TTC21B: variants seen among roughly 807,000 people sequenced by gnomAD.
TTC21B encodes tetratricopeptide repeat protein 21B.
In TTC21B, 127 loss-of-function variants were observed where a neutral mutation model predicts 175.1. That is an observed-to-expected ratio of 0.73 (90% CI 0.63 to 0.84). The LOEUF (loss-of-function observed/expected upper bound fraction) is 0.84, where lower values mean the gene tolerates loss of function less well. Ranked by LOEUF, TTC21B falls within the 40% of genes least tolerant of loss-of-function variation. The pLI, the probability that TTC21B is intolerant of heterozygous loss-of-function variation, is 0.00. For missense variants in TTC21B, 1,561 were observed against 1,558.3 expected, an observed-to-expected ratio of 1.00 and a Z score of -0.03; for synonymous variants, 524 against 524.5, an observed-to-expected ratio of 1.00 and a Z score of 0.01.
chr2:165,893,539 T>C (rs1685266336), intron 22 of TTC21B, among the ~76,000 whole-genome samples: 1 of 152,294 alleles, frequency 6.6e-6, no homozygotes, highest in Admixed American at 6.5e-5. Context: ...GAAGGCAAAT[T>C]TCTGCACTTA....
chr2:165,907,765 G>A lies in TTC21B; in HGVS notation c.2481C>T (p.Leu827=). The change falls in exon 19 of 29, where the codon CTC becomes CTT. Residue 827 remains leucine (L), a synonymous_variant. Coordinates refer to ENST00000243344, the MANE Select transcript of TTC21B (RefSeq NM_024753.5). ...GAACTTGACAACGTCCATCCTCCATGAGAGCTGACAGTTCATTTACTATGA... is the reference window on the plus strand; with the variant it reads ...GAACTTGACAACGTCCATCCTCCATAAGAGCTGACAGTTCATTTACTATGA... ...AHEPVNELSA[L]MEDGRCQVLL... is the part of the protein sequence containing the mutation. The A allele has an allele frequency of 6.2e-7, 1 of 1,611,720 alleles. No individual in the cohort carries two copies. The highest frequency in any genetic ancestry group is 8.5e-7 in the Non-Finnish European group (1 of 1,178,418).
At chr2:165,881,544 C>G (rs982875784) in intron 26 of TTC21B, among the ~76,000 whole-genome samples, 1 of 151,974 alleles carries the variant, frequency 6.6e-6, no homozygotes, top group Non-Finnish European at 1.5e-5. Context: ...ATATTTATCC[C>G]CGAGTTTCTC....
intron 6 of TTC21B, among the ~76,000 whole-genome samples, chr2:165,940,237 T>A (rs919684): frequency 0.15 from 22,732 of 152,164 alleles, 1,959 homozygotes; most frequent in East Asian, 0.27. Context: ...TGGCAACAGC[T>A]TTCAAAAGGT....
intron 19 of TTC21B, among the ~76,000 whole-genome samples, chr2:165,903,684 T>C (rs556396814): frequency 1.2e-3 from 176 of 152,302 alleles, no homozygotes; most frequent in African/African-American, 4.0e-3. Context: ...GAAAGCAAAA[T>C]TCCTAAGACT....
intron 27 of TTC21B, 50 bp from the exon 28 acceptor site, chr2:165,876,282 T>C (rs1684662897): frequency 8.7e-7 from 1 of 1,147,612 alleles, no homozygotes; most frequent in African/African-American, 1.5e-5. Context: ...ACTGCTACTA[T>C]TACTTTTCCT....
intron 25 of TTC21B, among the ~76,000 whole-genome samples, chr2:165,885,548 C>T (rs753131075): frequency 6.6e-6 from 1 of 152,166 alleles, no homozygotes; most frequent in African/African-American, 2.4e-5. Flanking sequence ...CCTCTCCCCA[C>T]CTCAGCCCAC....
At chr2:165,877,556 C>G (rs969556675) in intron 27 of TTC21B, among the ~76,000 whole-genome samples, 1 of 152,112 alleles carries the variant, frequency 6.6e-6, no homozygotes, top group Non-Finnish European at 1.5e-5. Flanking sequence ...CCAGATAGCC[C>G]AGGTGTGTAG....
intron 22 of TTC21B, among the ~76,000 whole-genome samples, chr2:165,896,931 T>G (rs1685386706): frequency 6.6e-6 from 1 of 152,198 alleles, no homozygotes; most frequent in Non-Finnish European, 1.5e-5. Context: ...GATTTGCTGG[T>G]TGGGAAGCCC....
At chr2:165,895,736 A>G (rs1488301538) in intron 22 of TTC21B, among the ~76,000 whole-genome samples, 1 of 152,160 alleles carries the variant, frequency 6.6e-6, no homozygotes, top group East Asian at 1.9e-4. Flanking sequence ...TTTTGGACCC[A>G]GAGTGAGTGG....
intron 28 of TTC21B, among the ~76,000 whole-genome samples, chr2:165,875,808 CTTT>C (rs1424121085): frequency 6.8e-6 from 1 of 147,660 alleles, no homozygotes; most frequent in African/African-American, 2.4e-5. Context: ...TCCCACTGGT[CTTT>C]GTCTTTTTTT....
At position 165,945,547 on chromosome 2, in the gene TTC21B, T is replaced by C; in HGVS notation, c.406A>G (p.Lys136Glu). ...ACCTGTTTACTACCATCTGATATTT[T>C]GATCATTCTGTCAATATATTCCCTT... ...KAREYIDRMI[K>E]ISDGSKQGHV... The change falls in exon 4 of 29, where the codon AAA becomes GAA. Residue 136 changes from lysine (K) to glutamate (E), a missense_variant. Lys to Glu is a moderately conservative substitution (Grantham distance 56). Transcript: ENST00000243344. 6.2e-7 allele frequency: 1 copy of C among 1,613,626 alleles called. No individual in the cohort carries two copies. The highest frequency in any genetic ancestry group is 1.1e-5 in the South Asian group (1 of 91,068).
At chr2:165,884,156 G>A (rs750892738) in intron 25 of TTC21B, 138 bp from the exon 26 acceptor site, 22 of 757,810 alleles carry the variant, frequency 2.9e-5, no homozygotes, top group Non-Finnish European at 4.3e-5. Context: ...TGTGATTACA[G>A]GTCATTATTT....
rs373168659 is a variant in TTC21B at position 165,949,674 on chromosome 2, C to T, written c.72G>A (p.Leu24=). The T allele has an allele frequency of 6.2e-7, 1 of 1,612,676 alleles. No individual in the cohort carries two copies. Among genetic ancestry groups the T allele is most frequent in the African/African-American group, 1.3e-5 (1 of 74,852 alleles). Residue 24 remains leucine, a synonymous_variant, in exon 2 of 29, where the codon CTG becomes CTA. Transcript: ENST00000243344. ...ACCTCTTAATTCCTTCACTGGCAAC[C>T]AGTAATACATGATGGAAATATCTCT... ...CQERYFHHVL[L]VASEGIKRYG...
At chr2:165,945,260 G>T (rs1687508458) in intron 4 of TTC21B, among the ~76,000 whole-genome samples, 1 of 151,640 alleles carries the variant, frequency 6.6e-6, no homozygotes, top group South Asian at 2.1e-4. Context: ...AAAAGGTAGA[G>T]AAAAAGAAAG....
chr2:165,877,770 CAT>C (rs914570027), intron 27 of TTC21B, among the ~76,000 whole-genome samples: 8 of 152,124 alleles, frequency 5.3e-5, no homozygotes, highest in African/African-American at 1.9e-4. Context: ...CACACACACA[CAT>C]GCACACAGGC....
chr2:165,930,455 G>T, intron 8 of TTC21B, 91 bp from the exon 9 acceptor site: 1 of 1,002,440 alleles, frequency 1.0e-6, no homozygotes, highest in Non-Finnish European at 1.4e-6. Context: ...TATATTATTT[G>T]TACTTCAAAG....
At position 165,920,502 on chromosome 2, in the gene TTC21B, A is replaced by G. The variant is rs78506016; in HGVS notation, c.1517-1069T>C. Among the ~76,000 whole-genome samples, 24 of 152,282 alleles carry G rather than the reference A, an allele frequency of 1.6e-4. No individual in the cohort carries two copies. In the East Asian group the frequency reaches 4.2e-3, roughly 27 times the overall value. On this transcript the variant is annotated intron_variant, in intron 12 of 28. Transcript: ENST00000243344. ...TTAACTTATTGTGATACAATCCAACACTCAAAACTGCACAGGTACAAAAAG... is the reference window on the plus strand; with the variant it reads ...TTAACTTATTGTGATACAATCCAACGCTCAAAACTGCACAGGTACAAAAAG...
rs746360024 is a variant in TTC21B, at chr2:165,906,080, A to AC, written c.2568+1597dup. Among the ~76,000 whole-genome samples the AC allele has an allele frequency of 6.6e-5, 10 of 152,172 alleles. No homozygotes were observed. In the East Asian group the frequency reaches 1.5e-3, roughly 24 times the overall value. On this transcript the variant is annotated intron_variant, in intron 19 of 28. Transcript: ENST00000243344. ...AAATTCAATGTTACACTTTTAAATA[A>AC]CCCACCGGTCCAAGAAGCAATCAAA...
intron 18 of TTC21B, among the ~76,000 whole-genome samples, chr2:165,909,059 C>T (rs1325374764): frequency 2.0e-5 from 3 of 152,000 alleles, no homozygotes; most frequent in Admixed American, 2.0e-4. Context: ...CTACACTAAA[C>T]ATGTTGTTGG....
Sources: gnomAD v4.1 joint callset for allele counts (sites outside exome capture counted in the v4.1 genomes callset) on GRCh38, gnomAD v4.1.1 for gene constraint, MANE v1.5 for transcripts, NCBI Gene and HGNC (gene_info 2026-07-23, HGNC 2026-07-21) for gene names.